Variants in SLC8A3 observed in about 807,000 individuals in gnomAD.
The protein encoded by SLC8A3 is solute carrier family 8 member A3, also known as sodium/calcium exchanger 3.
SLC8A3 carries 37 observed loss-of-function variants against 65.4 expected under a neutral mutation model. The observed-to-expected ratio is 0.57, with a 90% CI of 0.44 to 0.74. The LOEUF (loss-of-function observed/expected upper bound fraction) is 0.74. Among genes scored for constraint, SLC8A3 ranks in the 30% least tolerant of loss-of-function variants. SLC8A3 has a pLI of 0.00. For missense variants in SLC8A3, 1,112 were observed against 1,172.1 expected (o/e 0.95, Z 0.75); for synonymous variants, 461 against 444.5 (o/e 1.04, Z -0.47).
At chr14:70,115,083 T>C (rs975682857) in intron 2 of SLC8A3, among the ~76,000 whole-genome samples, 2 of 152,210 alleles carry the variant, frequency 1.3e-5, no homozygotes, top group African/African-American at 4.8e-5. Context: ...TAAGGATACT[T>C]AAAGATCAAT....
chr14:70,110,137 C>A (rs1028323092), intron 2 of SLC8A3, among the ~76,000 whole-genome samples: 3 of 151,944 alleles, frequency 2.0e-5, no homozygotes, highest in Non-Finnish European at 2.9e-5. Context: ...GTGAAATAAG[C>A]ACATCATGAA....
intron 2 of SLC8A3, among the ~76,000 whole-genome samples, chr14:70,120,078 C>T (rs1893949374): frequency 6.6e-6 from 1 of 152,188 alleles, no homozygotes; most frequent in African/African-American, 2.4e-5. Flanking sequence ...TATGCCAGAG[C>T]AACTCTGCCA....
chr14:70,097,478 C>T (rs1892264869), intron 2 of SLC8A3, among the ~76,000 whole-genome samples: 2 of 152,166 alleles, frequency 1.3e-5, no homozygotes, highest in South Asian at 4.1e-4. Context: ...TGTCTGGGTA[C>T]AAAACCTGGC....
At chr14:70,097,300 A>C (rs890943835) in intron 2 of SLC8A3, among the ~76,000 whole-genome samples, 1 of 152,100 alleles carries the variant, frequency 6.6e-6, no homozygotes, top group African/African-American at 2.4e-5. Context: ...AAAAAAAAAA[A>C]AACACCTCTT....
chr14:70,095,361 G>A (rs1176113089), intron 2 of SLC8A3, among the ~76,000 whole-genome samples: 1 of 152,196 alleles, frequency 6.6e-6, no homozygotes, highest in East Asian at 1.9e-4. Flanking sequence ...GAAATCAGAC[G>A]CCACATCCAG....
At chr14:70,071,355 G>A (rs984394978) in intron 2 of SLC8A3, among the ~76,000 whole-genome samples, 4 of 152,146 alleles carry the variant, frequency 2.6e-5, no homozygotes, top group East Asian at 1.9e-4. Context: ...TGATTGAATC[G>A]CATGAACGCT....
At chr14:70,133,984 C>G (rs894187601) in intron 2 of SLC8A3, among the ~76,000 whole-genome samples, 3 of 152,320 alleles carry the variant, frequency 2.0e-5, no homozygotes, top group Admixed American at 1.3e-4. Flanking sequence ...TCCAGCTGGG[C>G]TCTGTGGAGG....
At chr14:70,105,853 G>A (rs1892834252) in intron 2 of SLC8A3, among the ~76,000 whole-genome samples, 1 of 152,138 alleles carries the variant, frequency 6.6e-6, no homozygotes, top group African/African-American at 2.4e-5. Flanking sequence ...AATAGTATCA[G>A]ATTGAACCCA....
intron 6 of SLC8A3, chr14:70,048,232 G>A (rs17107695): frequency 0.19 from 37,892 of 195,802 alleles, 3,969 homozygotes; most frequent in African/African-American, 0.26. Flanking sequence ...TACTCACAGT[G>A]TCCTTCCAAG....
Position 70,167,957 on chromosome 14 carries a change from A to G in SLC8A3, c.466T>C (p.Cys156Arg). The change falls in exon 2 of 7, where the codon TGT becomes CGT. Residue 156 changes from cysteine to arginine, a missense_variant. Coordinates refer to ENST00000356921, the MANE Select transcript of SLC8A3 (RefSeq NM_182932.3). ...TCACCAGCAATGAACCCATGACCAC[A>G]CACCTCAATTAAAGAGAGGAGTATC... Reference protein sequence around the residue: ...PEILLSLIEVCGHGFIAGDLG... With the variant: ...PEILLSLIEVRGHGFIAGDLG... 6.2e-7 allele frequency: 1 copy of G among 1,614,118 alleles called. No individual in the cohort carries two copies. Among genetic ancestry groups the G allele is most frequent in the Non-Finnish European group, 8.5e-7 (1 of 1,179,998 alleles).
intron 2 of SLC8A3, among the ~76,000 whole-genome samples, chr14:70,113,198 A>C (rs1300697883): frequency 6.6e-6 from 1 of 152,204 alleles, no homozygotes; most frequent in Non-Finnish European, 1.5e-5. Context: ...AAAACATCAT[A>C]GAGTGTACTT....
intron 1 of SLC8A3, among the ~76,000 whole-genome samples, chr14:70,178,456 G>A (rs2140422886): frequency 6.6e-6 from 1 of 152,322 alleles, no homozygotes; most frequent in Non-Finnish European, 1.5e-5. Context: ...AAAGGTTATG[G>A]AGTCAGACAT....
intron 2 of SLC8A3, among the ~76,000 whole-genome samples, chr14:70,101,829 A>G (rs1892571766): frequency 6.6e-6 from 1 of 152,242 alleles, no homozygotes. Flanking sequence ...TTCTCTGCAG[A>G]TACTTTCCTA....
intron 5 of SLC8A3, among the ~76,000 whole-genome samples, chr14:70,049,974 T>G (rs1301500454): frequency 6.6e-6 from 1 of 152,252 alleles, no homozygotes; most frequent in Non-Finnish European, 1.5e-5. Flanking sequence ...GCCTGTGCCT[T>G]GCCAACGGCA....
chr14:70,141,332 T>G (rs558342536), intron 2 of SLC8A3, among the ~76,000 whole-genome samples: 1 of 152,352 alleles, frequency 6.6e-6, no homozygotes, highest in South Asian at 2.1e-4. Context: ...ATACCCATTG[T>G]GTGGGTAGAA....
intron 3 of SLC8A3, among the ~76,000 whole-genome samples, chr14:70,055,016 A>G (rs926551058): frequency 6.6e-6 from 1 of 152,106 alleles, no homozygotes; most frequent in South Asian, 2.1e-4. Flanking sequence ...GATATGCTGA[A>G]AATGCTTTCA....
At chr14:70,082,606 T>G (rs1300763741) in intron 2 of SLC8A3, among the ~76,000 whole-genome samples, 1 of 152,160 alleles carries the variant, frequency 6.6e-6, no homozygotes, top group South Asian at 2.1e-4. Context: ...TCATTTCTAG[T>G]TTGTAGCTAC....
intron 1 of SLC8A3, among the ~76,000 whole-genome samples, chr14:70,185,994 G>A (rs1019482114): frequency 7.9e-5 from 12 of 152,006 alleles, no homozygotes; most frequent in Admixed American, 3.9e-4. Context: ...TGGACTCCAC[G>A]GCCAAATATG....
chr14:70,055,933 A>C (rs983303697), intron 3 of SLC8A3: 47 of 819,780 alleles, frequency 5.7e-5, no homozygotes, highest in Non-Finnish European at 9.0e-5. Flanking sequence ...CAGAGAGCTT[A>C]GTAGGTGAGA....
Sources: allele counts gnomAD v4.1 joint callset (sites outside exome capture counted in the v4.1 genomes callset), GRCh38; gene constraint gnomAD v4.1.1; transcripts MANE v1.5; gene names NCBI Gene and HGNC (gene_info 2026-07-23, HGNC 2026-07-21).